TJP2: variants seen among roughly 807,000 people sequenced by gnomAD.
TJP2 encodes Friedreich ataxia region gene X104 (tight junction protein ZO-2).
In TJP2, 91 loss-of-function variants were observed where a neutral mutation model predicts 133.1. The observed-to-expected ratio is 0.68, with a 90% confidence interval of 0.58 to 0.81. The LOEUF is 0.81. Among genes scored for constraint, TJP2 ranks in the 40% least tolerant of loss-of-function variants. The pLI, the probability that TJP2 is intolerant of heterozygous loss-of-function variation, is 0.00. For missense variants in TJP2, 1,541 were observed against 1,565.6 expected (o/e 0.98, Z 0.26); for synonymous variants, 592 against 583.4 (o/e 1.01, Z -0.21).
intron 1 of TJP2, among the ~76,000 whole-genome samples, chr9:69,198,088 A>C (rs1279122423): frequency 6.6e-6 from 1 of 151,202 alleles, no homozygotes; most frequent in African/African-American, 2.4e-5. Context: ...TTTCAACACA[A>C]CTGCTTTGAA....
chr9:69,165,445 T>C (rs1403333066), intron 2 of TJP2, among the ~76,000 whole-genome samples: 1 of 152,112 alleles, frequency 6.6e-6, no homozygotes, highest in Non-Finnish European at 1.5e-5. Context: ...TGGGTTTGGA[T>C]TCCATCTGCT....
intron 16 of TJP2, 59 bp from the exon 17 acceptor site, chr9:69,239,878 A>G: frequency 1.5e-6 from 2 of 1,332,036 alleles, no homozygotes; most frequent in South Asian, 1.2e-5. Flanking sequence ...AAAACAAAGT[A>G]TTTGATGCTA....
intron 1 of TJP2, among the ~76,000 whole-genome samples, chr9:69,202,840 G>T (rs1357969944): frequency 1.3e-5 from 2 of 152,066 alleles, no homozygotes; most frequent in Non-Finnish European, 2.9e-5. Flanking sequence ...TGGATAAGTG[G>T]ACCAGGGCAG....
intron 1 of TJP2, among the ~76,000 whole-genome samples, chr9:69,207,396 G>A (rs1026761388): frequency 2.0e-5 from 3 of 152,062 alleles, no homozygotes; most frequent in Non-Finnish European, 2.9e-5. Context: ...TGGTTTGTTC[G>A]TCTTCATTGC....
In TJP2 at chr9:69,225,701, T is replaced by C. The variant is rs556964797; in HGVS notation, c.1056+294T>C. Among the ~76,000 whole-genome samples, 4 of 152,356 alleles carry C rather than the reference T, an allele frequency of 2.6e-5. 1 individual carries two copies. The East Asian group carries it at 7.7e-4, about 29-fold the overall frequency. On this transcript the variant is annotated intron_variant, in intron 6 of 22. Coordinates refer to ENST00000377245, the MANE Select transcript of TJP2 (RefSeq NM_004817.4). The stretch of plus-strand genomic sequence containing the variant: ...AACTAAGGAAAGATGAGAAGGAAAG[T>C]TGGTGATATATGAATGCTGAATATT...
chr9:69,134,723 C>T (rs1226420090), intron 1 of TJP2, among the ~76,000 whole-genome samples: 1 of 152,194 alleles, frequency 6.6e-6, no homozygotes, highest in Admixed American at 6.5e-5. Flanking sequence ...GTGTCTTAGT[C>T]AGCTCGGGCT....
intron 5 of TJP2, among the ~76,000 whole-genome samples, chr9:69,222,942 G>A (rs1378480953): frequency 3.9e-5 from 6 of 152,044 alleles, no homozygotes; most frequent in Admixed American, 3.3e-4. Flanking sequence ...GGTGGTGGGT[G>A]CCTGTAATCC....
At chr9:69,152,812 G>A (rs1003347123) in intron 2 of TJP2, among the ~76,000 whole-genome samples, 1 of 127,124 alleles carries the variant, frequency 7.9e-6, no homozygotes, top group Non-Finnish European at 1.7e-5. Context: ...GTTCTCTCTG[G>A]AGCTCTTTTT....
rs764243210 is a variant in TJP2, at chr9:69,174,290, G to C, written c.-83G>C. The stretch of plus-strand genomic sequence containing the variant: ...GGGCTGCGGGTCAGAGCACTGTCCG[G>C]TGGTGCCCAGGAGGAGTAGGAGCAG... On this transcript the variant is annotated 5_prime_UTR_variant, in exon 1 of 23. Transcript: ENST00000377245. The C allele has an allele frequency of 6.5e-7, 1 of 1,549,446 alleles. No individual in the cohort carries two copies. Among genetic ancestry groups the C allele is most frequent in the Non-Finnish European group, 8.7e-7 (1 of 1,146,444 alleles).
chr9:69,210,296 CCCCAAA>C (rs1490102173), intron 1 of TJP2, among the ~76,000 whole-genome samples: 4 of 52,748 alleles, frequency 7.6e-5, no homozygotes, highest in Admixed American at 2.1e-4. Flanking sequence ...CCCCCCCCCC[CCCCAAA>C]AAAAAAAAAA....
intron 1 of TJP2, among the ~76,000 whole-genome samples, chr9:69,210,177 T>C (rs934850257): frequency 6.6e-6 from 1 of 150,916 alleles, no homozygotes; most frequent in Non-Finnish European, 1.5e-5. Context: ...TAATCCCAGC[T>C]ACTCGGGAGG....
At chr9:69,121,477 T>A in exon 1 of TJP2, 1 of 420,612 alleles carries the variant, frequency 2.4e-6, no homozygotes, top group Non-Finnish European at 3.2e-6. Flanking sequence ...CTCAAACCTC[T>A]AAACAGGAAA....
intron 1 of TJP2, chr9:69,145,753 C>G (rs920381598): frequency 1.6e-6 from 2 of 1,231,844 alleles, no homozygotes; most frequent in Non-Finnish European, 1.0e-6. Context: ...GTTGGTATTA[C>G]CCCACTTAAC....
chr9:69,181,123 CA>C lies in TJP2; in HGVS notation c.60+6699del, dbSNP rs999031175. ...CGAATTTCATCCAGAGAATTTTGTCCAAAAAAAATTATAGAATTTCATCTAG... is the reference window on the plus strand; with the variant it reads ...CGAATTTCATCCAGAGAATTTTGTCCAAAAAAATTATAGAATTTCATCTAG... On this transcript the variant is annotated intron_variant, in intron 1 of 22. Coordinates refer to ENST00000377245, the MANE Select transcript of TJP2 (RefSeq NM_004817.4). Among the ~76,000 whole-genome samples the C allele has an allele frequency of 1.3e-4, 19 of 150,882 alleles. No homozygotes were observed. The South Asian group carries it at 3.3e-3, about 27-fold the overall frequency.
chr9:69,137,285 T>TC (rs1822802953), intron 1 of TJP2, among the ~76,000 whole-genome samples: 1 of 87,226 alleles, frequency 1.1e-5, no homozygotes, highest in Non-Finnish European at 2.5e-5. Context: ...CTTTCTTTCT[T>TC]TCTTTCTTTC....
intron 4 of TJP2, among the ~76,000 whole-genome samples, chr9:69,219,403 A>G (rs1196023202): frequency 6.6e-6 from 1 of 152,200 alleles, no homozygotes; most frequent in East Asian, 1.9e-4. Context: ...TGGTCTCTGT[A>G]TGTATATAAA....
intron 11 of TJP2, 41 bp from the exon 12 acceptor site, chr9:69,234,398 C>CTTTT (rs202100183): frequency 6.4e-5 from 63 of 982,932 alleles, no homozygotes; most frequent in East Asian, 5.3e-4. Context: ...TTCTTTCTTT[C>CTTTT]TTTTTTTTTT....
intron 1 of TJP2, among the ~76,000 whole-genome samples, chr9:69,147,114 C>T (rs1823247334): frequency 6.6e-6 from 1 of 152,176 alleles, no homozygotes; most frequent in African/African-American, 2.4e-5. Context: ...TAGGTTAATG[C>T]TGTTCAGCCA....
Position 69,218,341 on chromosome 9 carries a change from T to C in TJP2, c.324T>C (p.Ser108=), listed in dbSNP as rs990154239. 2.4e-5 allele frequency: 38 copies of C among 1,614,018 alleles called. No homozygotes were observed. Among genetic ancestry groups the C allele is most frequent in the Non-Finnish European group, 3.1e-5 (37 of 1,180,020 alleles). The part of the protein sequence containing the change: ...HSFAVQQLRK[S]GKVAAIVVKR... ...TTGCAGTTCAGCAGCTCAGAAAAAG[T>C]GGGAAGGTCGCTGCTATTGTAAGTA... The change falls in exon 4 of 23, where the codon AGT becomes AGC. Residue 108 remains serine (S), a synonymous_variant. Coordinates refer to ENST00000377245, the MANE Select transcript of TJP2 (RefSeq NM_004817.4).
Sources: gnomAD v4.1 joint callset for allele counts (sites outside exome capture counted in the v4.1 genomes callset) on GRCh38, gnomAD v4.1.1 for gene constraint, MANE v1.5 for transcripts, NCBI Gene and HGNC (gene_info 2026-07-23, HGNC 2026-07-21) for gene names.